The following CLSTN2 variants were observed in gnomAD, a reference collection of about 807,000 sequenced individuals.
The protein encoded by CLSTN2 is calsyntenin 2.
Under a neutral mutation model 101.2 loss-of-function variants are expected in CLSTN2, and 48 were observed. The ratio of observed to expected loss-of-function variants is 0.47; its 90% CI spans 0.38 to 0.60. CLSTN2 has a LOEUF of 0.60. CLSTN2 is among the 20% of genes least tolerant of loss of function. The pLI, the probability that CLSTN2 is intolerant of heterozygous loss-of-function variation, is 0.00. For synonymous variants in CLSTN2, 481 were observed against 463.6 expected (o/e 1.04, Z -0.48); for missense variants, 1,160 against 1,238.2 (o/e 0.94, Z 0.95).
chr3:140,021,586 A>G (rs2007318009), intron 1 of CLSTN2, among the ~76,000 whole-genome samples: 1 of 152,012 alleles, frequency 6.6e-6, no homozygotes, highest in Non-Finnish European at 1.5e-5. Context: ...GTGTCTCTGT[A>G]TGCTGGGGTT....
intron 1 of CLSTN2, among the ~76,000 whole-genome samples, chr3:139,999,353 C>A (rs368812441): frequency 2.0e-5 from 3 of 152,000 alleles, no homozygotes; most frequent in East Asian, 1.9e-4. Flanking sequence ...CAAGAACATG[C>A]AGTATTTGGT....
chr3:140,522,395 G>T (rs922455944), intron 8 of CLSTN2, among the ~76,000 whole-genome samples: 1 of 152,190 alleles, frequency 6.6e-6, no homozygotes, highest in African/African-American at 2.4e-5. Flanking sequence ...GTATGGCCTC[G>T]CAAGTCTTAA....
chr3:140,202,410 G>T (rs1024869734), intron 2 of CLSTN2, among the ~76,000 whole-genome samples: 1 of 152,204 alleles, frequency 6.6e-6, no homozygotes, highest in Admixed American at 6.5e-5. Context: ...GAGAAACAAA[G>T]AAGTCTAAGA....
intron 8 of CLSTN2, among the ~76,000 whole-genome samples, chr3:140,529,995 C>A (rs1027878185): frequency 4.6e-5 from 7 of 151,970 alleles, no homozygotes; most frequent in South Asian, 4.2e-4. Context: ...ATAGGCGTAA[C>A]CTTTGCAGAA....
At chr3:140,446,988 G>C (rs1007037684) in intron 5 of CLSTN2, among the ~76,000 whole-genome samples, 1 of 152,142 alleles carries the variant, frequency 6.6e-6, no homozygotes, top group Non-Finnish European at 1.5e-5. Flanking sequence ...CTGAACAAAT[G>C]GTTGCTCAGT....
intron 1 of CLSTN2, among the ~76,000 whole-genome samples, chr3:139,939,021 T>C (rs1207099057): frequency 6.6e-6 from 1 of 152,064 alleles, no homozygotes; most frequent in Non-Finnish European, 1.5e-5. Flanking sequence ...GACAAGATTT[T>C]TATGTGAAAA....
intron 1 of CLSTN2, among the ~76,000 whole-genome samples, chr3:140,124,322 C>G (rs2009395202): frequency 6.6e-6 from 1 of 152,056 alleles, no homozygotes; most frequent in Non-Finnish European, 1.5e-5. Flanking sequence ...TTTAGTATTA[C>G]CATGTGAAGC....
At chr3:140,034,684 G>A (rs539844847) in intron 1 of CLSTN2, among the ~76,000 whole-genome samples, 9 of 151,708 alleles carry the variant, frequency 5.9e-5, no homozygotes, top group African/African-American at 1.2e-4. Flanking sequence ...CAGGGAGGGC[G>A]GGGAGGAGAA....
intron 2 of CLSTN2, among the ~76,000 whole-genome samples, chr3:140,272,407 A>G (rs1419425013): frequency 6.6e-6 from 1 of 152,224 alleles, no homozygotes; most frequent in African/African-American, 2.4e-5. Context: ...TAGATTATAT[A>G]GGAAAGAGTG....
At chr3:140,447,476 T>TC (rs1933112188) in intron 5 of CLSTN2, among the ~76,000 whole-genome samples, 1 of 152,224 alleles carries the variant, frequency 6.6e-6, no homozygotes, top group Non-Finnish European at 1.5e-5. Context: ...CTGTGTACAT[T>TC]CACTTGTAGA....
intron 9 of CLSTN2, among the ~76,000 whole-genome samples, chr3:140,538,853 G>A (rs190434164): frequency 6.2e-4 from 95 of 152,244 alleles, no homozygotes; most frequent in African/African-American, 1.9e-3. Flanking sequence ...AGGTCAAGTC[G>A]GGGAAACAGG....
At chr3:140,535,353 C>G (rs1029223465) in intron 9 of CLSTN2, among the ~76,000 whole-genome samples, 4 of 152,182 alleles carry the variant, frequency 2.6e-5, no homozygotes, top group Admixed American at 6.5e-5. Flanking sequence ...TAGTATCCTT[C>G]TAGGCTACAT....
intron 8 of CLSTN2, among the ~76,000 whole-genome samples, chr3:140,467,124 CA>C (rs1406628494): frequency 6.6e-6 from 1 of 152,134 alleles, no homozygotes; most frequent in East Asian, 1.9e-4. Flanking sequence ...TTGGGTGACA[CA>C]AGGTTGAGGA....
chr3:140,016,794 A>G (rs796094028), intron 1 of CLSTN2, among the ~76,000 whole-genome samples: 254 of 13,628 alleles, frequency 0.019, 1 homozygote, highest in African/African-American at 0.032. Context: ...TGAGACTCTG[A>G]AAAAAAAAAA....
chr3:140,141,817 G>A (rs1321404530), intron 1 of CLSTN2, among the ~76,000 whole-genome samples: 3 of 152,204 alleles, frequency 2.0e-5, no homozygotes, highest in African/African-American at 7.2e-5. Context: ...AGGATGAGAA[G>A]CCAGCGTTTA....
intron 8 of CLSTN2, among the ~76,000 whole-genome samples, chr3:140,523,655 T>G (rs1198480695): frequency 6.6e-6 from 1 of 152,180 alleles, no homozygotes; most frequent in African/African-American, 2.4e-5. Context: ...CATGTGAGGC[T>G]CCCAAGGATT....
At chr3:140,400,000 C>G in intron 2 of CLSTN2, among the ~76,000 whole-genome samples, 1 of 151,954 alleles carries the variant, frequency 6.6e-6, no homozygotes. Context: ...TCTGATCTTC[C>G]CTTTTCCCCT....
In CLSTN2 at chr3:140,071,513, A is replaced by G. The variant is rs111296758; in HGVS notation, c.110-104438A>G. ...AATAGAAAATCAGCAAAGAGCATCAATAGGCAATCCATACATACACAATAA... is the reference window on the plus strand; with the variant it reads ...AATAGAAAATCAGCAAAGAGCATCAGTAGGCAATCCATACATACACAATAA... On this transcript the variant is annotated intron_variant, in intron 1 of 16. Transcript: ENST00000458420. 3.9e-5 allele frequency among the ~76,000 whole-genome samples: 6 copies of G among 152,344 alleles called. 1 individual carries two copies. The highest frequency in any genetic ancestry group is 1.4e-4 in the African/African-American group (6 of 41,578).
chr3:140,505,751 C>T (rs1934673982), intron 8 of CLSTN2: 1 of 152,170 alleles, frequency 6.6e-6, no homozygotes, highest in South Asian at 2.1e-4. Context: ...GAGGATTCCA[C>T]CTCTGTTCTC....
Sources: allele counts gnomAD v4.1 joint callset (sites outside exome capture counted in the v4.1 genomes callset), GRCh38; gene constraint gnomAD v4.1.1; transcripts MANE v1.5; gene names NCBI Gene and HGNC (gene_info 2026-07-23, HGNC 2026-07-21).